Variants in CCDC102B observed in about 807,000 individuals in gnomAD.
CCDC102B encodes coiled-coil domain containing 102B.
CCDC102B carries 75 observed loss-of-function variants against 57.4 expected under a neutral mutation model. That is an observed-to-expected ratio of 1.31 (90% confidence interval 1.08 to 1.58). CCDC102B has a LOEUF of 1.58. CCDC102B is among the 40% of genes most tolerant of loss of function. CCDC102B has a pLI of 0.00. For synonymous variants in CCDC102B, 206 were observed against 201.9 expected, an observed-to-expected ratio of 1.02 and a Z score of -0.17; for missense variants, 636 against 582.6, an observed-to-expected ratio of 1.09 and a Z score of -0.94.
At chr18:69,052,974 C>A (rs2052745495) in intron 7 of CCDC102B, among the ~76,000 whole-genome samples, 1 of 151,320 alleles carries the variant, frequency 6.6e-6, no homozygotes, top group Non-Finnish European at 1.5e-5. Context: ...CAAATACTAC[C>A]CCATTTTATA....
At chr18:68,727,658 A>G (rs1410355633) in intron 2 of CCDC102B, among the ~76,000 whole-genome samples, 1 of 152,184 alleles carries the variant, frequency 6.6e-6, no homozygotes, top group East Asian at 1.9e-4. Context: ...CAGTTGCCTC[A>G]AGGATACATG....
chr18:68,757,662 A>T (rs1469720386), intron 2 of CCDC102B, among the ~76,000 whole-genome samples: 4 of 152,174 alleles, frequency 2.6e-5, no homozygotes, highest in Non-Finnish European at 4.4e-5. Flanking sequence ...TCACACATTA[A>T]ACATTACATA....
In CCDC102B at chr18:68,992,463, A is replaced by G. The variant is rs142317268; in HGVS notation, c.1264-18471A>G. Among the ~76,000 whole-genome samples, 386 of 152,286 alleles carry G rather than the reference A, an allele frequency of 2.5e-3. 2 individuals are homozygous for G. The highest frequency in any genetic ancestry group is 8.9e-3 in the African/African-American group (370 of 41,550). ...GACTTAGTGTTTCTTCACCTTTGCT[A>G]CAATGATCGAATCGCCCGGAAGATT... On this transcript the variant is annotated intron_variant, in intron 6 of 7. Transcript: ENST00000360242.
At chr18:68,729,328 C>G (rs1249149324) in intron 2 of CCDC102B, among the ~76,000 whole-genome samples, 1 of 152,100 alleles carries the variant, frequency 6.6e-6, no homozygotes, top group Non-Finnish European at 1.5e-5. Flanking sequence ...AAGTCTTTTT[C>G]AGGGACCTTG....
At chr18:68,986,175 C>A (rs1382385038) in intron 6 of CCDC102B, among the ~76,000 whole-genome samples, 2 of 152,014 alleles carry the variant, frequency 1.3e-5, no homozygotes, top group African/African-American at 4.8e-5. Context: ...CAGCCTGATA[C>A]CAAAATCTGG....
intron 6 of CCDC102B, among the ~76,000 whole-genome samples, chr18:68,983,664 T>G (rs554244379): frequency 5.9e-5 from 9 of 152,110 alleles, no homozygotes; most frequent in Admixed American, 2.6e-4. Context: ...TCCACTAAAC[T>G]ACTCATTACA....
chr18:68,991,382 A>T (rs530710705), intron 6 of CCDC102B, among the ~76,000 whole-genome samples: 2 of 152,348 alleles, frequency 1.3e-5, no homozygotes, highest in East Asian at 3.9e-4. Flanking sequence ...TTCCCTGAAC[A>T]TTTGTAACTT....
intron 4 of CCDC102B, chr18:68,867,024 T>C (rs544011056): frequency 1.9e-4 from 52 of 275,406 alleles, no homozygotes; most frequent in Admixed American, 9.4e-4. Flanking sequence ...CTGGCAGCCA[T>C]GTGAAGAGCT....
intron 3 of CCDC102B, among the ~76,000 whole-genome samples, chr18:68,840,572 G>A (rs2037584780): frequency 6.6e-6 from 1 of 152,132 alleles, no homozygotes; most frequent in African/African-American, 2.4e-5. Context: ...GAATAAAAAT[G>A]AATTTAATTT....
At chr18:68,755,444 G>GA (rs948933664) in intron 2 of CCDC102B, among the ~76,000 whole-genome samples, 1 of 152,066 alleles carries the variant, frequency 6.6e-6, no homozygotes, top group African/African-American at 2.4e-5. Context: ...TGCTTCAAAA[G>GA]AAGATAATCC....
intron 6 of CCDC102B, among the ~76,000 whole-genome samples, chr18:68,916,474 C>A (rs1190065842): frequency 6.6e-6 from 1 of 152,180 alleles, no homozygotes; most frequent in Non-Finnish European, 1.5e-5. Flanking sequence ...TAATCAGTTC[C>A]AAATCCAGAT....
chr18:68,791,042 A>G (rs1396316960), intron 2 of CCDC102B, among the ~76,000 whole-genome samples: 1 of 152,216 alleles, frequency 6.6e-6, no homozygotes, highest in Admixed American at 6.5e-5. Context: ...TAAAACTCAT[A>G]CTATGTAGAG....
At chr18:69,045,623 A>T (rs887334064) in intron 7 of CCDC102B, among the ~76,000 whole-genome samples, 3 of 152,186 alleles carry the variant, frequency 2.0e-5, no homozygotes, top group Admixed American at 2.0e-4. Context: ...TTTAGGTTTA[A>T]TGGTACATGT....
At chr18:68,894,489 C>A (rs1357098416) in intron 5 of CCDC102B, among the ~76,000 whole-genome samples, 4 of 151,760 alleles carry the variant, frequency 2.6e-5, no homozygotes, top group Admixed American at 2.0e-4. Context: ...CAATGGAATT[C>A]TATTTCCATT....
chr18:68,881,917 A>G (rs1316820196), intron 5 of CCDC102B, among the ~76,000 whole-genome samples: 2 of 152,156 alleles, frequency 1.3e-5, no homozygotes, highest in South Asian at 2.1e-4. Context: ...TTATTTGTAC[A>G]TTTTTGAGAA....
chr18:68,876,920 T>C (rs2039471683), intron 5 of CCDC102B, among the ~76,000 whole-genome samples: 4 of 152,218 alleles, frequency 2.6e-5, no homozygotes. Context: ...ATAAAACTGT[T>C]ACTTATTCTG....
At chr18:69,032,807 A>C (rs1421389117) in intron 7 of CCDC102B, among the ~76,000 whole-genome samples, 1 of 152,106 alleles carries the variant, frequency 6.6e-6, no homozygotes, top group Non-Finnish European at 1.5e-5. Context: ...CCCTCAAGGC[A>C]TCTATTAAGC....
At chr18:69,004,440 G>A (rs2051286217) in intron 6 of CCDC102B, among the ~76,000 whole-genome samples, 1 of 152,144 alleles carries the variant, frequency 6.6e-6, no homozygotes, top group South Asian at 2.1e-4. Context: ...CAGGAAGTTG[G>A]TGTGGACTTG....
chr18:68,910,649 A>G (rs186983160), intron 6 of CCDC102B, among the ~76,000 whole-genome samples: 4 of 152,338 alleles, frequency 2.6e-5, no homozygotes, highest in African/African-American at 9.6e-5. Context: ...CCTCTAAGGA[A>G]AACAAGAATA....
Sources: gnomAD v4.1 joint callset for allele counts (sites outside exome capture counted in the v4.1 genomes callset) on GRCh38, gnomAD v4.1.1 for gene constraint, MANE v1.5 for transcripts, NCBI Gene and HGNC (gene_info 2026-07-23, HGNC 2026-07-21) for gene names.